PRR5: variants seen among roughly 807,000 people sequenced by gnomAD.
PRR5 encodes the protein proline-rich protein 5.
A neutral mutation model predicts 30.6 loss-of-function variants in PRR5; 25 were observed. The observed-to-expected ratio is 0.82, with a 90% CI of 0.60 to 1.14. PRR5 has a LOEUF of 1.14. PRR5 is among the 50% of genes most tolerant of loss of function. PRR5 has a pLI of 0.00. For missense variants in PRR5, 600 were observed against 547.1 expected (o/e 1.10, Z -0.96); for synonymous variants, 286 against 247.1 (o/e 1.16, Z -1.48).
At chr22:44,730,836 C>T in intron 4 of PRR5, 1 of 449,174 alleles carries the variant, frequency 2.2e-6, no homozygotes, top group Middle Eastern at 3.4e-4. Flanking sequence ...GACTGTGGTG[C>T]ACCCTTTCCT....
Position 44,726,609 on chromosome 22 carries a change from T to G in PRR5, c.297T>G (p.Leu99=), listed in dbSNP as rs768520516. 3 of 1,614,016 alleles carry G rather than the reference T, an allele frequency of 1.9e-6. No individual in the cohort carries two copies. In the African/African-American group the frequency reaches 4.0e-5, roughly 22 times the overall value. The change falls in exon 4 of 8, where the codon CTT becomes CTG. Residue 99 remains leucine, a synonymous_variant. Coordinates refer to ENST00000336985, the MANE Select transcript of PRR5 (RefSeq NM_181333.4). ...TGCTGACAAAAGGCATGGTGATCCT[T>G]CGGGACAAGATTCGCTTCTATGAGG... is the stretch of plus-strand genomic sequence containing the variant. ...NQLLTKGMVI[L]RDKIRFYEGQ... is the part of the protein sequence containing the mutation.
intron 3 of PRR5, among the ~76,000 whole-genome samples, chr22:44,725,750 T>C (rs1055571340): frequency 6.6e-6 from 1 of 152,140 alleles, no homozygotes; most frequent in Non-Finnish European, 1.5e-5. Flanking sequence ...CTGCAACCTC[T>C]GCCTCCCGGG....
rs374688069 is a variant in PRR5, at chr22:44,731,714, G to A, written c.323-16G>A. 3 of 1,613,140 alleles carry A rather than the reference G, an allele frequency of 1.9e-6. No individual in the cohort carries two copies. In the African/African-American group the frequency reaches 4.0e-5, roughly 22 times the overall value. ...GCGCCAGTCAGGCCCAGTGGTGATGGCCCCCATGCCCACAGGACAGAAGCT... is the reference window on the plus strand; with the variant it reads ...GCGCCAGTCAGGCCCAGTGGTGATGACCCCCATGCCCACAGGACAGAAGCT... On this transcript the variant is annotated splice_polypyrimidine_tract_variant and intron_variant, in intron 4 of 7. Transcript: ENST00000336985.
intron 1 of PRR5, among the ~76,000 whole-genome samples, chr22:44,694,071 A>G (rs78522664): frequency 0.024 from 3,635 of 152,270 alleles, 88 homozygotes; most frequent in East Asian, 0.13. Flanking sequence ...CTGGGACTTC[A>G]GTGTCTTTGG....
At chr22:44,731,108 C>A (rs111440447) in intron 4 of PRR5, 1 of 294,732 alleles carries the variant, frequency 3.4e-6, no homozygotes, top group Non-Finnish European at 6.9e-6. Flanking sequence ...TTAGGAGGAT[C>A]TGATGAGACT....
intron 1 of PRR5, 124 bp downstream of exon 1, chr22:44,702,732 A>G (rs865934847): frequency 1.7e-6 from 2 of 1,208,584 alleles, no homozygotes; most frequent in African/African-American, 1.6e-5. Context: ...GGCGCTTCAC[A>G]GTTTGCAAAG....
chr22:44,668,830 G>A (rs1366364349), intron 1 of PRR5: 4 of 149,386 alleles, frequency 2.7e-5, no homozygotes, highest in Non-Finnish European at 6.0e-5. Context: ...CGGGTCCGGA[G>A]GCCCGGCCGG....
chr22:44,732,634 C>T (rs574437950), intron 6 of PRR5, among the ~76,000 whole-genome samples: 155 of 152,290 alleles, frequency 1.0e-3, no homozygotes, highest in African/African-American at 3.5e-3. Context: ...CACCCTGTGT[C>T]GGCCAGCCTG....
chr22:44,718,014 C>T (rs563374659), intron 2 of PRR5, among the ~76,000 whole-genome samples: 3 of 152,170 alleles, frequency 2.0e-5, no homozygotes, highest in South Asian at 4.1e-4. Context: ...TGCACCCAGC[C>T]TGCCTGCTTC....
At chr22:44,731,885 C>G in intron 5 of PRR5, 64 bp downstream of exon 5, 3 of 1,531,142 alleles carry the variant, frequency 2.0e-6, no homozygotes, top group Non-Finnish European at 1.8e-6. Context: ...TGGCCTCACT[C>G]TACAGAGGGG....
At chr22:44,732,811 C>T (rs1182811404) in intron 6 of PRR5, among the ~76,000 whole-genome samples, 2 of 139,746 alleles carry the variant, frequency 1.4e-5, no homozygotes, top group African/African-American at 5.4e-5. Flanking sequence ...CACGCATACA[C>T]ACTACACGTG....
chr22:44,716,308 C>T lies in PRR5; in HGVS notation c.215+1637C>T, dbSNP rs145459376. Reference sequence around the variant, plus strand: ...TTTTTAGTCAGTTCAGAATGAAGTGCTGGAATGTTTAAGGAATAATAGCAG... The same window carrying T: ...TTTTTAGTCAGTTCAGAATGAAGTGTTGGAATGTTTAAGGAATAATAGCAG... On this transcript the variant is annotated intron_variant, in intron 2 of 7. Transcript: ENST00000336985. 3.3e-4 allele frequency among the ~76,000 whole-genome samples: 51 copies of T among 152,334 alleles called. No individual in the cohort carries two copies. The East Asian group carries it at 8.1e-3, about 24-fold the overall frequency.
At chr22:44,728,035 C>T (rs748697871) in intron 4 of PRR5, among the ~76,000 whole-genome samples, 2 of 152,210 alleles carry the variant, frequency 1.3e-5, no homozygotes, top group Non-Finnish European at 2.9e-5. Context: ...CAGATCTGGC[C>T]TAGGGGAGCC....
At chr22:44,731,254 T>A (rs903355809) in intron 4 of PRR5, 1 of 262,304 alleles carries the variant, frequency 3.8e-6, no homozygotes, top group Non-Finnish European at 7.6e-6. Context: ...TGTGCAGGTC[T>A]CCTGATGCAG....
rs747132044 is a variant in PRR5 at position 44,725,209 on chromosome 22, C to G, written c.216-35C>G. ...GTCCCCCATGCCAGTGCCGTGTGGT[C>G]TGGGACTCACTCTTGTCTCACCTCC... On this transcript the variant is annotated intron_variant, in intron 2 of 7. Coordinates refer to ENST00000336985, the MANE Select transcript of PRR5 (RefSeq NM_181333.4). 6 of 1,613,276 alleles carry G rather than the reference C, an allele frequency of 3.7e-6. No individual in the cohort carries two copies. In the African/African-American group the frequency reaches 4.0e-5, roughly 11 times the overall value.
At chr22:44,730,276 C>T (rs969340086) in intron 4 of PRR5, 49 of 984,968 alleles carry the variant, frequency 5.0e-5, no homozygotes, top group East Asian at 1.1e-4. Flanking sequence ...GAGAGACAGC[C>T]GGCAACGCTT....
Position 44,714,711 on chromosome 22 carries a change from G to A in PRR5, c.215+40G>A, listed in dbSNP as rs374164761. ...CACCTTGGTCCAGGGTCCTTGAGTG[G>A]CAGGGAGGGCTAGGCCCAGAGTCGA... On this transcript the variant is annotated intron_variant, in intron 2 of 7. Coordinates refer to ENST00000336985, the MANE Select transcript of PRR5 (RefSeq NM_181333.4). The A allele has an allele frequency of 6.2e-6, 10 of 1,610,148 alleles. No individual in the cohort carries two copies. The African/African-American group carries it at 1.3e-4, about 22-fold the overall frequency.
chr22:44,727,694 A>G (rs1921102728), intron 4 of PRR5, among the ~76,000 whole-genome samples: 1 of 151,932 alleles, frequency 6.6e-6, no homozygotes, highest in South Asian at 2.1e-4. Flanking sequence ...TCTCCCTCTG[A>G]CCCTGGGAAA....
At chr22:44,707,750 C>T (rs559384364) in intron 1 of PRR5, among the ~76,000 whole-genome samples, 1 of 152,326 alleles carries the variant, frequency 6.6e-6, no homozygotes, top group African/African-American at 2.4e-5. Flanking sequence ...GTGGGAGGAG[C>T]TCCCCAAGCC....
Sources: gnomAD v4.1 joint callset for allele counts (sites outside exome capture counted in the v4.1 genomes callset) on GRCh38, gnomAD v4.1.1 for gene constraint, MANE v1.5 for transcripts, NCBI Gene and HGNC (gene_info 2026-07-23, HGNC 2026-07-21) for gene names.